CAST: variants seen among roughly 807,000 people sequenced by gnomAD.
The protein encoded by CAST is calpastatin, also known as MIR583 host.
CAST carries 76 observed loss-of-function variants against 119.6 expected under a neutral mutation model. The ratio of observed to expected loss-of-function variants is 0.64; its 90% confidence interval spans 0.53 to 0.77. CAST has a LOEUF of 0.77. Among genes scored for constraint, CAST ranks in the 30% least tolerant of loss-of-function variants. CAST has a pLI of 0.00. For synonymous variants in CAST, 319 were observed against 331.6 expected (o/e 0.96, Z 0.41); for missense variants, 953 against 946.5 (o/e 1.01, Z -0.09).
At chr5:95,964,418 C>G in the CAST span, among the ~76,000 whole-genome samples, 2 of 152,106 alleles carry the variant, frequency 1.3e-5, no homozygotes, top group East Asian at 3.9e-4. Context: ...AAAAATTAAA[C>G]TGTAAAGTCT....
chr5:96,348,619 C>T, the CAST span, among the ~76,000 whole-genome samples: 1 of 152,010 alleles, frequency 6.6e-6, no homozygotes, highest in South Asian at 2.1e-4. Flanking sequence ...CAGTAGAAGA[C>T]AGGGTCATTT....
the CAST span, among the ~76,000 whole-genome samples, chr5:96,163,556 A>G: frequency 6.6e-6 from 1 of 152,206 alleles, no homozygotes; most frequent in African/African-American, 2.4e-5. Context: ...TTTAATTTTA[A>G]TAGATATAGC....
chr5:96,399,726 G>A, the CAST span, among the ~76,000 whole-genome samples: 1 of 152,124 alleles, frequency 6.6e-6, no homozygotes, highest in African/African-American at 2.4e-5. Flanking sequence ...CTTAGACTGG[G>A]TGCTATGTGG....
chr5:96,544,702 G>T (rs1380501), intron 1 of CAST, among the ~76,000 whole-genome samples: 3 of 151,376 alleles, frequency 2.0e-5, no homozygotes, highest in Non-Finnish European at 4.4e-5. Flanking sequence ...AGGAGATTTA[G>T]AAAAATAAGT....
At chr5:96,762,588 A>G (rs1408702078) in intron 25 of CAST, 2 of 456,464 alleles carry the variant, frequency 4.4e-6, no homozygotes, top group African/African-American at 4.0e-5. Flanking sequence ...AACATTGTAC[A>G]CATAGTCAAG....
chr5:96,108,287 G>A, the CAST span, among the ~76,000 whole-genome samples: 1 of 152,330 alleles, frequency 6.6e-6, no homozygotes, highest in Admixed American at 6.5e-5. Context: ...TCCTTTGGAG[G>A]AGGAGAGGCC....
chr5:96,690,844 A>C (rs1752642847), intron 2 of CAST, among the ~76,000 whole-genome samples: 1 of 152,236 alleles, frequency 6.6e-6, no homozygotes, highest in Non-Finnish European at 1.5e-5. Context: ...GTAGAAACAC[A>C]AGACTTCTTG....
the CAST span, among the ~76,000 whole-genome samples, chr5:96,203,855 G>A: frequency 6.6e-6 from 1 of 152,050 alleles, no homozygotes; most frequent in African/African-American, 2.4e-5. Context: ...TGTGCAATAT[G>A]GACTTTAAAA....
chr5:96,617,128 C>A (rs1193439662), intron 1 of CAST, among the ~76,000 whole-genome samples: 2 of 152,102 alleles, frequency 1.3e-5, no homozygotes, highest in Non-Finnish European at 2.9e-5. Context: ...TAAAAATTCC[C>A]AAGTTGATTT....
chr5:96,182,793 T>C, the CAST span, among the ~76,000 whole-genome samples: 3 of 152,192 alleles, frequency 2.0e-5, no homozygotes, highest in Non-Finnish European at 2.9e-5. Context: ...TATTTTTTAC[T>C]TTTTGCGGGT....
At chr5:96,766,334 C>T (rs1428882132) in intron 27 of CAST, among the ~76,000 whole-genome samples, 189 bp downstream of exon 27, 4 of 152,196 alleles carry the variant, frequency 2.6e-5, no homozygotes, top group African/African-American at 7.2e-5. Flanking sequence ...ATTATATATG[C>T]ATATGCTAGG....
the CAST span, among the ~76,000 whole-genome samples, chr5:96,413,837 C>T: frequency 2.9e-5 from 4 of 140,156 alleles, no homozygotes; most frequent in African/African-American, 5.4e-5. Context: ...GAAAAAAAAT[C>T]GGCCAGGTGC....
At chr5:96,627,968 T>A (rs970778012) in intron 1 of CAST, among the ~76,000 whole-genome samples, 1 of 152,274 alleles carries the variant, frequency 6.6e-6, no homozygotes, top group African/African-American at 2.4e-5. Context: ...CTCCGTTGAT[T>A]GACATCTGTG....
the CAST span, among the ~76,000 whole-genome samples, chr5:96,157,984 C>T: frequency 6.6e-6 from 1 of 152,098 alleles, no homozygotes; most frequent in African/African-American, 2.4e-5. Context: ...TTGGTTTTCC[C>T]AGGGTGAAAG....
chr5:96,247,259 T>C, the CAST span, among the ~76,000 whole-genome samples: 6 of 152,340 alleles, frequency 3.9e-5, no homozygotes, highest in East Asian at 3.9e-4. Flanking sequence ...GAGGTCTTAA[T>C]TGGAGTGAGT....
At chr5:96,201,465 C>T in the CAST span, among the ~76,000 whole-genome samples, 1 of 152,124 alleles carries the variant, frequency 6.6e-6, no homozygotes, top group African/African-American at 2.4e-5. Flanking sequence ...GCACGAGCCA[C>T]ACAGAAACAG....
chr5:96,252,321 A>G, the CAST span, among the ~76,000 whole-genome samples: 1 of 152,132 alleles, frequency 6.6e-6, no homozygotes, highest in African/African-American at 2.4e-5. Context: ...TTATTCATTC[A>G]TTCGCTCATC....
At chr5:96,469,904 A>G in the CAST span, among the ~76,000 whole-genome samples, 3 of 139,228 alleles carry the variant, frequency 2.2e-5, no homozygotes, top group East Asian at 5.9e-4. Flanking sequence ...ACACATATAT[A>G]TAATGTTTGT....
At chr5:96,691,553 T>G (rs760847782) in intron 2 of CAST, among the ~76,000 whole-genome samples, 11 of 152,236 alleles carry the variant, frequency 7.2e-5, no homozygotes, top group Non-Finnish European at 1.2e-4. Context: ...CAGAGGTCAG[T>G]CTGTTCCATT....
Sources: allele counts gnomAD v4.1 joint callset (sites outside exome capture counted in the v4.1 genomes callset), GRCh38; gene constraint gnomAD v4.1.1; transcripts MANE v1.5; gene names NCBI Gene and HGNC (gene_info 2026-07-23, HGNC 2026-07-21).